The following KAZN variants were observed in gnomAD, a reference collection of about 807,000 sequenced individuals.
The protein encoded by KAZN is kazrin, periplakin interacting protein.
In KAZN, 40 loss-of-function variants were observed where a neutral mutation model predicts 87.4. The ratio of observed to expected loss-of-function variants is 0.46; its 90% CI spans 0.36 to 0.60. The LOEUF (loss-of-function observed/expected upper bound fraction) is 0.60. KAZN is among the 20% of genes least tolerant of loss of function. The probability of loss-of-function intolerance (pLI) is 0.00; values close to 1 mark genes in which losing one functional copy is unlikely to be tolerated. For synonymous variants in KAZN, 466 were observed against 458.3 expected (o/e 1.02, Z -0.22); for missense variants, 898 against 1,073.9 (o/e 0.84, Z 2.29).
intron 1 of KAZN, among the ~76,000 whole-genome samples, chr1:14,758,481 A>T (rs1644639311): frequency 9.6e-6 from 1 of 103,868 alleles, no homozygotes; most frequent in Non-Finnish European, 2.1e-5. Flanking sequence ...CTAATTTTTT[A>T]ATTTTTTTTT....
chr1:14,288,296 A>G (rs1409826029), intron 2 of KAZN, among the ~76,000 whole-genome samples: 2 of 152,176 alleles, frequency 1.3e-5, no homozygotes, highest in South Asian at 2.1e-4. Context: ...TTGGCTGTGT[A>G]TCCATCTGGT....
intron 2 of KAZN, among the ~76,000 whole-genome samples, chr1:14,335,786 G>A (rs820622): frequency 0.61 from 93,189 of 151,932 alleles, 29,916 homozygotes; most frequent in Admixed American, 0.75. Context: ...GAGAGAGGCA[G>A]AAATTCAGAG....
At position 14,523,758 on chromosome 1, in the gene KAZN, C is replaced by A. The variant is rs182414545; in HGVS notation, c.250-75225C>A. ...CTGGTTGATCCGATGGTACATGAAG[C>A]TAATGGCCATGAGCCTCCCATGTGG... On this transcript the variant is annotated intron_variant, in intron 2 of 16. Coordinates refer to the KAZN transcript ENST00000636203. Among the ~76,000 whole-genome samples the A allele has an allele frequency of 2.5e-3, 386 of 152,332 alleles. 1 individual carries two copies. The highest frequency in any genetic ancestry group is 4.0e-3 in the Non-Finnish European group (269 of 68,036).
chr1:14,595,922 C>T (rs1676483465), upstream of KAZN, among the ~76,000 whole-genome samples: 1 of 152,028 alleles, frequency 6.6e-6, no homozygotes. Context: ...CCAGGAGTTT[C>T]TAAAGCAGCT....
chr1:14,394,661 C>T (rs547396573), intron 2 of KAZN, among the ~76,000 whole-genome samples: 1 of 152,330 alleles, frequency 6.6e-6, no homozygotes, highest in South Asian at 2.1e-4. Flanking sequence ...CTCTTCACCA[C>T]TAAGTGATAT....
intron 2 of KAZN, among the ~76,000 whole-genome samples, chr1:14,418,297 G>C (rs1256780105): frequency 6.6e-6 from 1 of 152,120 alleles, no homozygotes; most frequent in African/African-American, 2.4e-5. Flanking sequence ...TAACCTCTCT[G>C]AGTGTCCATT....
intron 1 of KAZN, among the ~76,000 whole-genome samples, chr1:14,166,502 C>T (rs949165952): frequency 6.6e-6 from 1 of 152,032 alleles, no homozygotes; most frequent in Non-Finnish European, 1.5e-5. Context: ...ATCATCTGAC[C>T]GTTTTACAAG....
intron 11 of KAZN, 31 bp from the exon 12 acceptor site, chr1:15,103,328 C>T (rs1220904621): frequency 6.6e-7 from 1 of 1,519,888 alleles, no homozygotes; most frequent in East Asian, 2.5e-5. Flanking sequence ...GTCCCCTTGT[C>T]CCTCCGAATG....
intron 1 of KAZN, among the ~76,000 whole-genome samples, chr1:14,850,229 C>T (rs1447519834): frequency 1.3e-5 from 2 of 152,182 alleles, no homozygotes; most frequent in Admixed American, 1.3e-4. Flanking sequence ...CCACTGCGTC[C>T]AGCCTATTTA....
rs1408159577 is a variant in KAZN at position 14,836,209 on chromosome 1, CT to C, written c.227-124474del. Among the ~76,000 whole-genome samples, 4 of 152,188 alleles carry C rather than the reference CT, an allele frequency of 2.6e-5. No individual in the cohort carries two copies. In the South Asian group the frequency reaches 8.3e-4, roughly 31 times the overall value. ...GTGCTCGCTAAAGACTCCAGGTCCC[CT>C]GGGCAGGACAGAGAGAGGGTGGAGA... On this transcript the variant is annotated intron_variant, in intron 1 of 14. Transcript: ENST00000376030.
chr1:14,128,495 G>A (rs1420490123), intron 1 of KAZN, among the ~76,000 whole-genome samples: 3 of 152,106 alleles, frequency 2.0e-5, no homozygotes, highest in Non-Finnish European at 4.4e-5. Context: ...CTCTCTCCTC[G>A]GCTTGCAGAC....
chr1:14,205,648 G>T (rs1261446802), intron 2 of KAZN, among the ~76,000 whole-genome samples: 6 of 151,870 alleles, frequency 4.0e-5, no homozygotes, highest in Non-Finnish European at 8.8e-5. Context: ...ACTTTGGGAG[G>T]CCGAGGTGGG....
intron 1 of KAZN, among the ~76,000 whole-genome samples, chr1:14,768,737 G>A (rs1644947929): frequency 6.6e-6 from 1 of 152,202 alleles, no homozygotes; most frequent in Non-Finnish European, 1.5e-5. Context: ...CTGGCAGGTA[G>A]TGTAGGCCAG....
intron 1 of KAZN, among the ~76,000 whole-genome samples, chr1:14,688,884 A>T (rs966891076): frequency 1.1e-4 from 17 of 152,208 alleles, no homozygotes; most frequent in African/African-American, 4.1e-4. Flanking sequence ...TTTCTTTTTT[A>T]AAAATGCCAG....
At chr1:14,413,211 C>A (rs536709553) in intron 2 of KAZN, among the ~76,000 whole-genome samples, 31 of 151,500 alleles carry the variant, frequency 2.0e-4, no homozygotes, top group African/African-American at 7.5e-4. Context: ...GATGGACTGA[C>A]AATAAGTAGT....
intron 1 of KAZN, among the ~76,000 whole-genome samples, chr1:14,766,312 C>T (rs898628695): frequency 6.6e-6 from 1 of 151,850 alleles, no homozygotes; most frequent in African/African-American, 2.4e-5. Context: ...TGGAAGTTGC[C>T]CCCAGTTGCA....
intron 1 of KAZN, among the ~76,000 whole-genome samples, chr1:14,796,731 G>A (rs1204499386): frequency 3.3e-5 from 5 of 152,226 alleles, no homozygotes; most frequent in East Asian, 3.9e-4. Context: ...GGCATAACAC[G>A]AGAGTCCTCG....
At chr1:14,360,618 G>A (rs1248309858) in intron 2 of KAZN, among the ~76,000 whole-genome samples, 1 of 152,098 alleles carries the variant, frequency 6.6e-6, no homozygotes, top group Non-Finnish European at 1.5e-5. Flanking sequence ...CCTTCGGAAG[G>A]AGTTTTTGTG....
At chr1:14,259,318 A>C (rs1433121711) in intron 2 of KAZN, among the ~76,000 whole-genome samples, 1 of 152,050 alleles carries the variant, frequency 6.6e-6, no homozygotes, top group Non-Finnish European at 1.5e-5. Context: ...TAGGAAGTAT[A>C]TTGTGCTCCT....
Sources: gnomAD v4.1 joint callset for allele counts (sites outside exome capture counted in the v4.1 genomes callset) on GRCh38, gnomAD v4.1.1 for gene constraint, MANE v1.5 for transcripts, NCBI Gene and HGNC (gene_info 2026-07-23, HGNC 2026-07-21) for gene names.